Variants in SV2C observed in about 807,000 individuals in gnomAD.
The protein encoded by SV2C is synaptic vesicle glycoprotein 2C.
In SV2C, 49 loss-of-function variants were observed where a neutral mutation model predicts 79.7. The observed-to-expected ratio is 0.61, with a 90% CI of 0.49 to 0.78. The LOEUF (loss-of-function observed/expected upper bound fraction) is 0.78, where lower values mean the gene tolerates loss of function less well. Ranked by LOEUF, SV2C falls within the 30% of genes least tolerant of loss-of-function variation. SV2C has a pLI of 0.00. For synonymous variants in SV2C, 334 were observed against 333.2 expected (o/e 1.00, Z -0.03); for missense variants, 833 against 912.9 (o/e 0.91, Z 1.13).
the SV2C span, among the ~76,000 whole-genome samples, chr5:75,962,631 C>T: frequency 3.3e-5 from 5 of 152,226 alleles, no homozygotes; most frequent in Non-Finnish European, 5.9e-5. Flanking sequence ...AGGTTAGTAA[C>T]TCCAAGAGCA....
At chr5:76,310,231 C>T (rs891664689) in intron 12 of SV2C, among the ~76,000 whole-genome samples, 2 of 152,120 alleles carry the variant, frequency 1.3e-5, no homozygotes, top group African/African-American at 2.4e-5. Context: ...TTGGATGGTG[C>T]TAAGTGCTGT....
At chr5:76,114,413 T>G (rs974067260) in intron 1 of SV2C, among the ~76,000 whole-genome samples, 2 of 152,208 alleles carry the variant, frequency 1.3e-5, no homozygotes, top group African/African-American at 4.8e-5. Flanking sequence ...CTACAACATT[T>G]CTAGCCAGTA....
chr5:76,297,789 A>G (rs1747827627), intron 9 of SV2C, among the ~76,000 whole-genome samples: 1 of 152,220 alleles, frequency 6.6e-6, no homozygotes. Context: ...CTCAATAGTT[A>G]GTAAACTGCT....
chr5:76,322,857 C>A (rs1193326373), intron 12 of SV2C, among the ~76,000 whole-genome samples: 1 of 152,184 alleles, frequency 6.6e-6, no homozygotes, highest in East Asian at 1.9e-4. Context: ...AAACTGGACC[C>A]CTTCCTTACA....
chr5:76,113,180 A>G (rs1748149051), intron 1 of SV2C, among the ~76,000 whole-genome samples: 1 of 152,220 alleles, frequency 6.6e-6, no homozygotes, highest in African/African-American at 2.4e-5. Context: ...GAATACCTCT[A>G]CTTGTCCACC....
chr5:76,305,417 T>C (rs750634009), intron 12 of SV2C, among the ~76,000 whole-genome samples: 9 of 152,232 alleles, frequency 5.9e-5, no homozygotes, highest in Non-Finnish European at 8.8e-5. Flanking sequence ...CCTCCACCCA[T>C]GCTTTGAGAA....
chr5:75,931,944 C>T, the SV2C span, among the ~76,000 whole-genome samples: 2 of 152,190 alleles, frequency 1.3e-5, no homozygotes, highest in Admixed American at 1.3e-4. Flanking sequence ...ACCTGAACAG[C>T]AGCCTCTTGA....
the SV2C span, among the ~76,000 whole-genome samples, chr5:76,051,746 TAAAC>T: frequency 6.6e-6 from 1 of 152,064 alleles, no homozygotes; most frequent in Non-Finnish European, 1.5e-5. Context: ...AAATAGCAAA[TAAAC>T]AGTGGTTTCT....
At chr5:76,269,363 A>G (rs1227866960) in intron 4 of SV2C, among the ~76,000 whole-genome samples, 1 of 152,248 alleles carries the variant, frequency 6.6e-6, no homozygotes, top group African/African-American at 2.4e-5. Context: ...AGTATGTCCC[A>G]AATATTGCAT....
intron 4 of SV2C, among the ~76,000 whole-genome samples, chr5:76,278,594 G>T (rs775109280): frequency 8.5e-5 from 13 of 152,150 alleles, no homozygotes; most frequent in Non-Finnish European, 1.5e-5. Flanking sequence ...TTTCTCATGC[G>T]TGGCTGGGCT....
At chr5:76,262,879 A>G (rs768982667) in intron 4 of SV2C, among the ~76,000 whole-genome samples, 16 of 152,142 alleles carry the variant, frequency 1.1e-4, no homozygotes, top group Non-Finnish European at 1.9e-4. Context: ...AATAAGTATG[A>G]TGTGGTGCTG....
At chr5:75,952,411 T>C in the SV2C span, among the ~76,000 whole-genome samples, 1 of 151,820 alleles carries the variant, frequency 6.6e-6, no homozygotes, top group African/African-American at 2.4e-5. Context: ...CTGAATTGAT[T>C]AATCCTTTTC....
intron 9 of SV2C, among the ~76,000 whole-genome samples, chr5:76,296,753 A>G (rs1226301855): frequency 2.0e-5 from 3 of 152,214 alleles, no homozygotes; most frequent in Middle Eastern, 3.2e-3. Flanking sequence ...AAGATGAAAA[A>G]GAATTCAGTG....
At chr5:76,234,699 A>C (rs1745557317) in intron 4 of SV2C, among the ~76,000 whole-genome samples, 1 of 152,216 alleles carries the variant, frequency 6.6e-6, no homozygotes, top group South Asian at 2.1e-4. Flanking sequence ...GTTTCATTTT[A>C]GGGAAAAGGT....
intron 2 of SV2C, among the ~76,000 whole-genome samples, chr5:76,147,928 G>A (rs1749490004): frequency 6.6e-6 from 1 of 151,872 alleles, no homozygotes; most frequent in East Asian, 1.9e-4. Context: ...TATTTTTTAT[G>A]TAATACATTT....
chr5:76,208,226 C>A lies in SV2C; in HGVS notation c.762-1510C>A, dbSNP rs571725436. On this transcript the variant is annotated intron_variant, in intron 3 of 12. Transcript: ENST00000502798. ...TTTTATATATGTATATTATACATTA[C>A]AAATACATTTATAACACAAATTTCA... Among the ~76,000 whole-genome samples the A allele has an allele frequency of 1.8e-4, 27 of 152,308 alleles. No individual in the cohort carries two copies. In the East Asian group the frequency reaches 4.8e-3, roughly 27 times the overall value.
chr5:76,340,552 A>C (rs1749422732), intron 12 of SV2C, among the ~76,000 whole-genome samples: 1 of 152,132 alleles, frequency 6.6e-6, no homozygotes, highest in Non-Finnish European at 1.5e-5. Context: ...CAATAACTTA[A>C]TCTCAGAAGG....
upstream of SV2C, chr5:76,078,722 C>T: frequency 1.8e-6 from 1 of 546,090 alleles, no homozygotes; most frequent in Non-Finnish European, 3.7e-6. Context: ...AAGCTGATGG[C>T]AAGACCATTC....
At chr5:76,252,412 G>A (rs1012468560) in intron 4 of SV2C, among the ~76,000 whole-genome samples, 9 of 152,144 alleles carry the variant, frequency 5.9e-5, no homozygotes, top group Non-Finnish European at 7.4e-5. Context: ...GTGAACCACC[G>A]CTCCCAGCCG....
Sources: gnomAD v4.1 joint callset for allele counts (sites outside exome capture counted in the v4.1 genomes callset) on GRCh38, gnomAD v4.1.1 for gene constraint, MANE v1.5 for transcripts, NCBI Gene and HGNC (gene_info 2026-07-23, HGNC 2026-07-21) for gene names.